The following KPNA7 variants were observed in gnomAD, a reference collection of about 807,000 sequenced individuals.
The protein encoded by KPNA7 is importin subunit alpha-8.
In KPNA7, 54 loss-of-function variants were observed where a neutral mutation model predicts 53.7. The ratio of observed to expected loss-of-function variants is 1.01; its 90% CI spans 0.81 to 1.26. KPNA7 has a LOEUF of 1.26. Ranked by LOEUF, KPNA7 falls within the 50% of genes most tolerant of loss-of-function variation. The pLI, the probability that KPNA7 is intolerant of heterozygous loss-of-function variation, is 0.00. For synonymous variants in KPNA7, 276 were observed against 259.3 expected, an observed-to-expected ratio of 1.06 and a Z score of -0.62; for missense variants, 640 against 644.5, an observed-to-expected ratio of 0.99 and a Z score of 0.07.
chr7:99,180,374 T>C lies in KPNA7; in HGVS notation c.1317+1509A>G, dbSNP rs372467405. Among the ~76,000 whole-genome samples the C allele has an allele frequency of 1.2e-4, 18 of 152,260 alleles. No homozygotes were observed. In the South Asian group the frequency reaches 3.5e-3, roughly 30 times the overall value. On this transcript the variant is annotated intron_variant, in intron 9 of 10. Transcript: ENST00000327442. ...AACATTGGCCAGGTGTGGTGGCATC[T>C]GGCTGTAGTGCCAGTGATTCAGGTG...
intron 3 of KPNA7, among the ~76,000 whole-genome samples, chr7:99,200,896 A>G (rs1321993571): frequency 1.3e-5 from 2 of 151,946 alleles, no homozygotes; most frequent in Non-Finnish European, 2.9e-5. Flanking sequence ...TGATCCCGGG[A>G]GACAAAAGTT....
At chr7:99,171,005 G>A (rs1427408573), downstream of KPNA7, among the ~76,000 whole-genome samples, 1 of 152,116 alleles carries the variant, frequency 6.6e-6, no homozygotes, top group Admixed American at 6.5e-5. Flanking sequence ...ACTGAGGTCA[G>A]GAGTTCAAGA....
In KPNA7 at chr7:99,184,969, G is replaced by T. The variant is rs1584275410; in HGVS notation, c.1094C>A (p.Ala365Asp). 6 of 1,552,068 alleles carry T rather than the reference G, an allele frequency of 3.9e-6. No homozygotes were observed. In the East Asian group the frequency reaches 1.5e-4, roughly 38 times the overall value. Reference sequence around the variant, plus strand: ...CACCAAGGGAGGCAAGACGTCGTAGGCAAGCAGCTGCTGGATGTGGTGACA... The same window carrying T: ...CACCAAGGGAGGCAAGACGTCGTAGTCAAGCAGCTGCTGGATGTGGTGACA... ...GPCHHIQQLL[A>D]YDVLPPLVAL... Residue 365 changes from alanine to aspartate, a missense_variant, in exon 8 of 11, where the codon GCC (alanine) becomes GAC (aspartate). Coordinates refer to ENST00000327442, the MANE Select transcript of KPNA7 (RefSeq NM_001145715.3).
the KPNA7 span, among the ~76,000 whole-genome samples, chr7:99,159,557 T>C: frequency 3.3e-5 from 5 of 152,170 alleles, no homozygotes; most frequent in East Asian, 3.9e-4. Flanking sequence ...CATGATCACA[T>C]TGCCAATTCC....
In KPNA7 at chr7:99,202,295, G is replaced by C. The variant is rs942697650; in HGVS notation, c.201+811C>G. ...AAAAGAATATAGAGACACCATTATT[G>C]AGGTGCTAAGAAGGAAAACTTCCTG... On this transcript the variant is annotated intron_variant, in intron 3 of 10. Transcript: ENST00000327442. Among the ~76,000 whole-genome samples the C allele has an allele frequency of 2.6e-5, 4 of 152,176 alleles. No individual in the cohort carries two copies. In the East Asian group the frequency reaches 7.8e-4, roughly 30 times the overall value.
At chr7:99,192,172 T>C (rs1043187624) in intron 6 of KPNA7, among the ~76,000 whole-genome samples, 6 of 152,136 alleles carry the variant, frequency 3.9e-5, no homozygotes, top group African/African-American at 1.4e-4. Context: ...AATCAGACCT[T>C]GGTAATGACC....
Position 99,203,557 on chromosome 7 carries a change from T to C in KPNA7, c.67-317A>G, listed in dbSNP as rs573566914. 9.9e-5 allele frequency among the ~76,000 whole-genome samples: 15 copies of C among 152,158 alleles called. No homozygotes were observed. The South Asian group carries it at 1.7e-3, about 17-fold the overall frequency. The stretch of plus-strand genomic sequence containing the variant: ...TGCCCTAAGTCTGAACACATCTTCA[T>C]TGATGCTGATGATTTCCTGAAGAAT... On this transcript the variant is annotated intron_variant, in intron 2 of 10. Transcript: ENST00000327442.
At chr7:99,156,546 CAG>C in the KPNA7 span, among the ~76,000 whole-genome samples, 3 of 151,780 alleles carry the variant, frequency 2.0e-5, no homozygotes, top group African/African-American at 4.8e-5. Context: ...TTGTTTGAGA[CAG>C]AGTTTTGCCC....
At chr7:99,174,823 T>TG (rs1798843001) in intron 10 of KPNA7, among the ~76,000 whole-genome samples, 1 of 151,746 alleles carries the variant, frequency 6.6e-6, no homozygotes, top group African/African-American at 2.4e-5. Context: ...ATTATTTTTT[T>TG]TTTTTGAGAT....
rs779112006 is a variant in KPNA7 at position 99,188,195 on chromosome 7, A to AAAAAAAAAAG, written c.900+104_900+105insCTTTTTTTTT. On this transcript the variant is annotated intron_variant, in intron 7 of 10. Transcript: ENST00000327442. ...GTCTCAAAAAAAAAAAAAAAAAAAA[A>AAAAAAAAAAG]AAAGCAAAGACCAGGGAAATGCAGA... 45 of 645,154 alleles carry AAAAAAAAAAG rather than the reference A, an allele frequency of 7.0e-5. 1 individual carries two copies. Among genetic ancestry groups the AAAAAAAAAAG allele is most frequent in the African/African-American group, 2.6e-4 (13 of 50,948 alleles). 40.0% of individuals were successfully genotyped at this position (645,154 alleles called of 1,614,324 possible).
At chr7:99,151,590 A>G in the KPNA7 span, among the ~76,000 whole-genome samples, 1 of 151,272 alleles carries the variant, frequency 6.6e-6, no homozygotes, top group African/African-American at 2.4e-5. Flanking sequence ...CTGAGATCAC[A>G]GGTGTGCACC....
At chr7:99,202,252 C>T (rs1275122564) in intron 3 of KPNA7, among the ~76,000 whole-genome samples, 1 of 152,192 alleles carries the variant, frequency 6.6e-6, no homozygotes, top group Admixed American at 6.6e-5. Flanking sequence ...TAAGGTAGGA[C>T]AGACAGTGGT....
intron 3 of KPNA7, among the ~76,000 whole-genome samples, chr7:99,199,065 GAAAAAAA>G (rs67877761): frequency 0.17 from 10,528 of 61,534 alleles, 519 homozygotes; most frequent in South Asian, 0.31. Context: ...GCTGCAAACT[GAAAAAAA>G]AAAAAAAAAA....
In KPNA7 at chr7:99,196,167, C is replaced by T; in HGVS notation, c.202-1G>A. 6.4e-7 allele frequency: 1 copy of T among 1,550,892 alleles called. No individual in the cohort carries two copies. The highest frequency in any genetic ancestry group is 2.4e-5 in the East Asian group (1 of 40,916). Reference sequence around the variant, plus strand: ...TTATTTCACCCAGAGTGAGGCTGACCTGCAAGAAGAGACACATTCAGGTCA... The same window carrying T: ...TTATTTCACCCAGAGTGAGGCTGACTTGCAAGAAGAGACACATTCAGGTCA... On this transcript the variant is annotated splice_acceptor_variant, in intron 3 of 10. Coordinates refer to ENST00000327442, the MANE Select transcript of KPNA7 (RefSeq NM_001145715.3). LOFTEE classifies it high-confidence loss of function.
chr7:99,156,772 C>A, the KPNA7 span, among the ~76,000 whole-genome samples: 3 of 152,024 alleles, frequency 2.0e-5, no homozygotes, highest in Non-Finnish European at 2.9e-5. Context: ...TGATCCACCC[C>A]CCTTGGCCTC....
the KPNA7 span, among the ~76,000 whole-genome samples, chr7:99,165,703 A>G: frequency 1.3e-5 from 2 of 152,176 alleles, no homozygotes; most frequent in Non-Finnish European, 1.5e-5. Context: ...GCCAAAATTT[A>G]GCTTAATCTC....
the KPNA7 span, among the ~76,000 whole-genome samples, chr7:99,152,293 C>T: frequency 6.7e-5 from 10 of 149,404 alleles, no homozygotes; most frequent in East Asian, 2.0e-3. Flanking sequence ...ACCCCAGAGG[C>T]AGAAGTTGCC....
In KPNA7 at chr7:99,192,981, A is replaced by AT. The variant is rs200635092; in HGVS notation, c.636+37dup. The AT allele has an allele frequency of 1.0e-5, 14 of 1,373,928 alleles. No homozygotes were observed. In the African/African-American group the frequency reaches 1.4e-4, roughly 14 times the overall value. 85.1% of individuals were successfully genotyped at this position (1,373,928 alleles called of 1,614,324 possible). A position where few individuals can be genotyped will look rare whatever the true frequency, so the allele number is the denominator to read the frequency against. On this transcript the variant is annotated intron_variant, in intron 6 of 10. Coordinates refer to ENST00000327442, the MANE Select transcript of KPNA7 (RefSeq NM_001145715.3). ...CTATTAAGATTATTTTAAAATTTTA[A>AT]TTTAAAAAAAAAAAAAGAGAAAGAA...
Position 99,196,104 on chromosome 7 carries a change from G to A in KPNA7, c.264C>T (p.Phe88=), listed in dbSNP as rs1023017126. 3.9e-6 allele frequency: 6 copies of A among 1,551,702 alleles called. No homozygotes were observed. In the African/African-American group the frequency reaches 5.5e-5, roughly 14 times the overall value. ...GVNSSDPVLC[F]QATQTARKML... is the part of the protein sequence containing the mutation. ...GATACCTGGCTGTCTGGGTGGCCTG[G>A]AAACATAGGACTGGATCTGAGCTAT... is the stretch of plus-strand genomic sequence containing the variant. Residue 88 remains phenylalanine, a synonymous_variant, in exon 4 of 11, where the codon TTC becomes TTT. Coordinates refer to ENST00000327442, the MANE Select transcript of KPNA7 (RefSeq NM_001145715.3).
Sources: gnomAD v4.1 joint callset for allele counts (sites outside exome capture counted in the v4.1 genomes callset) on GRCh38, gnomAD v4.1.1 for gene constraint, MANE v1.5 for transcripts, NCBI Gene and HGNC (gene_info 2026-07-23, HGNC 2026-07-21) for gene names.